Variants in CDR2 observed in about 807,000 individuals in gnomAD.
CDR2 encodes the protein cerebellar degeneration-related protein 2.
CDR2 carries 34 observed loss-of-function variants against 48.4 expected under a neutral mutation model. The ratio of observed to expected loss-of-function variants is 0.70; its 90% CI spans 0.53 to 0.94. CDR2 has a LOEUF of 0.94. Ranked by LOEUF, CDR2 falls within the 40% of genes least tolerant of loss-of-function variation. CDR2 has a pLI of 0.00. For synonymous variants in CDR2, 240 were observed against 219.7 expected, an observed-to-expected ratio of 1.09 and a Z score of -0.82; for missense variants, 498 against 549.5, an observed-to-expected ratio of 0.91 and a Z score of 0.94.
At chr16:22,352,371 CT>C (rs928687518) in intron 2 of CDR2, among the ~76,000 whole-genome samples, 65 of 146,632 alleles carry the variant, frequency 4.4e-4, no homozygotes, top group Middle Eastern at 3.5e-3. Context: ...GCATATATGG[CT>C]TTTTTTTTTT....
chr16:22,371,352 G>A (rs2049074527), intron 1 of CDR2, among the ~76,000 whole-genome samples: 2 of 152,292 alleles, frequency 1.3e-5, no homozygotes, highest in South Asian at 4.1e-4. Flanking sequence ...GGACAGACCT[G>A]CTCCCAAACT....
In CDR2 at chr16:22,349,400, G is replaced by A. The variant is rs144169982; in HGVS notation, c.385C>T (p.Leu129Phe). ...IECLQTNIDH[L>F]QSQVEELKSS... ...TTCAGCTCCTCCACTTGGCTCTGGAGGTGATCAATGTTGGTTTGCAGGCAT... is the reference window on the plus strand; with the variant it reads ...TTCAGCTCCTCCACTTGGCTCTGGAAGTGATCAATGTTGGTTTGCAGGCAT... The change falls in exon 4 of 5, where the codon CTC becomes TTC. Residue 129 changes from leucine (L) to phenylalanine (F), a missense_variant. By Grantham distance (22) the Leu-to-Phe change is conservative (BLOSUM62 0). Coordinates refer to ENST00000268383, the MANE Select transcript of CDR2 (RefSeq NM_001802.2). 11 of 1,614,028 alleles carry A rather than the reference G, an allele frequency of 6.8e-6. No homozygotes were observed. In the African/African-American group the frequency reaches 1.5e-4, roughly 22 times the overall value.
chr16:22,373,839 C>T (rs2049096030), intron 1 of CDR2, among the ~76,000 whole-genome samples: 1 of 152,246 alleles, frequency 6.6e-6, no homozygotes, highest in Non-Finnish European at 1.5e-5. Context: ...CCATGAAAGG[C>T]GCTGGGCTAG....
intron 2 of CDR2, 25 bp downstream of exon 2, chr16:22,364,877 G>A (rs1288514982): frequency 1.0e-5 from 14 of 1,384,512 alleles, no homozygotes; most frequent in Non-Finnish European, 1.4e-5. Flanking sequence ...TGTCAAAAGT[G>A]TAACTCTCCT....
intron 2 of CDR2, among the ~76,000 whole-genome samples, chr16:22,353,100 A>G (rs1181083982): frequency 6.6e-6 from 1 of 152,244 alleles, no homozygotes; most frequent in Non-Finnish European, 1.5e-5. Context: ...AGTATAAATT[A>G]TCAAGTATTC....
chr16:22,358,061 C>T (rs1365457031), intron 2 of CDR2, among the ~76,000 whole-genome samples: 1 of 152,132 alleles, frequency 6.6e-6, no homozygotes, highest in Non-Finnish European at 1.5e-5. Context: ...AACCAGTCAG[C>T]AACTTAAAGA....
chr16:22,352,786 G>A (rs1349789079), intron 2 of CDR2, among the ~76,000 whole-genome samples: 1 of 152,196 alleles, frequency 6.6e-6, no homozygotes, highest in Non-Finnish European at 1.5e-5. Context: ...AATGAGAAAG[G>A]TGAGCACATG....
intron 2 of CDR2, among the ~76,000 whole-genome samples, chr16:22,350,676 T>C (rs1242648992): frequency 1.3e-5 from 2 of 152,214 alleles, no homozygotes; most frequent in Non-Finnish European, 2.9e-5. Flanking sequence ...GTCCTTTATA[T>C]GCTTAGCTCC....
At chr16:22,354,764 C>T (rs1030653260) in intron 2 of CDR2, among the ~76,000 whole-genome samples, 4 of 151,720 alleles carry the variant, frequency 2.6e-5, no homozygotes, top group African/African-American at 7.3e-5. Flanking sequence ...CATGGTGGCA[C>T]ACGCCTGTAG....
Position 22,347,769 on chromosome 16 carries a change from C to T in CDR2, c.561G>A (p.Gln187=). ...FAEKITSLQG[Q]PSPDEEENEH... ...CATTTTCCTCTTCATCAGGGCTTGG[C>T]TGACCTTGCAAGGAAGTGATCTTCT... The change falls in exon 5 of 5, where the codon CAG becomes CAA. Residue 187 remains glutamine (Q), a synonymous_variant. Transcript: ENST00000268383. 1 of 1,613,992 alleles carries T rather than the reference C, an allele frequency of 6.2e-7. No homozygotes were observed. Among genetic ancestry groups the T allele is most frequent in the Non-Finnish European group, 8.5e-7 (1 of 1,180,012 alleles).
intron 1 of CDR2, among the ~76,000 whole-genome samples, chr16:22,373,314 GAAGAA>G (rs2049091074): frequency 6.6e-6 from 1 of 152,218 alleles, no homozygotes; most frequent in Admixed American, 6.5e-5. Context: ...CGTGCAAACT[GAAGAA>G]AAGTGGCAGA....
In CDR2 at chr16:22,374,417, G is replaced by C; in HGVS notation, c.-108C>G. 6 of 534,680 alleles carry C rather than the reference G, an allele frequency of 1.1e-5. No individual in the cohort carries two copies. Among genetic ancestry groups the C allele is most frequent in the Non-Finnish European group, 1.7e-5 (6 of 344,032 alleles). 33.1% of individuals were successfully genotyped at this position (534,680 alleles called of 1,614,324 possible). ...CCCTCAGCCAGAGCCGCCCTCGGGC[G>C]GGACGCGCCGCCGCCCAGACTCCGC... On this transcript the variant is annotated 5_prime_UTR_variant, in exon 1 of 5. Coordinates refer to ENST00000268383, the MANE Select transcript of CDR2 (RefSeq NM_001802.2).
chr16:22,368,861 G>C (rs867941025), intron 1 of CDR2: 2 of 152,180 alleles, frequency 1.3e-5, no homozygotes, highest in Middle Eastern at 3.2e-3. Context: ...TTTATTGCCT[G>C]CTCTGCTAGT....
chr16:22,349,646 T>C, intron 3 of CDR2, 55 bp downstream of exon 3: 1 of 1,583,008 alleles, frequency 6.3e-7, no homozygotes, highest in East Asian at 2.2e-5. Flanking sequence ...TCTATTCTAG[T>C]TTATACTAAA....
At chr16:22,366,926 A>C (rs2049048060) in intron 1 of CDR2, 1 of 152,284 alleles carries the variant, frequency 6.6e-6, no homozygotes, top group African/African-American at 2.4e-5. Context: ...CATGTTTTGA[A>C]AGTAAAGCTA....
chr16:22,365,148 C>A (rs192891620), intron 1 of CDR2, 134 bp from the exon 2 acceptor site: 34 of 602,076 alleles, frequency 5.6e-5, no homozygotes, highest in African/African-American at 4.8e-4. Flanking sequence ...GAAGGAAACC[C>A]GAGTTCTACT....
rs141072275 is a variant in CDR2, at chr16:22,347,094, G to C, written c.1236C>G (p.Pro412=). Residue 412 remains proline (P), a synonymous_variant, in exon 5 of 5, where the codon CCC becomes CCG. Transcript: ENST00000268383. ...GWELASVNPE[P]VSSPTTPPEY... is the part of the protein sequence containing the mutation. ...CTGGAGGTGTTGTAGGGGAACTCAC[G>C]GGCTCTGGGTTGACAGAGGCCAGTT... 6.8e-6 allele frequency: 11 copies of C among 1,614,174 alleles called. No individual in the cohort carries two copies. Among genetic ancestry groups the C allele is most frequent in the Non-Finnish European group, 9.3e-6 (11 of 1,180,016 alleles).
At chr16:22,351,109 AGT>A (rs2048938761) in intron 2 of CDR2, among the ~76,000 whole-genome samples, 1 of 152,080 alleles carries the variant, frequency 6.6e-6, no homozygotes, top group South Asian at 2.1e-4. Flanking sequence ...GAGAACATGC[AGT>A]GTTTGGTTTT....
intron 1 of CDR2, among the ~76,000 whole-genome samples, chr16:22,367,664 A>C (rs1347159780): frequency 1.3e-5 from 2 of 152,240 alleles, no homozygotes; most frequent in African/African-American, 4.8e-5. Context: ...GCTATCCACC[A>C]CTACTCATAG....
Sources: allele counts gnomAD v4.1 joint callset (sites outside exome capture counted in the v4.1 genomes callset), GRCh38; gene constraint gnomAD v4.1.1; transcripts MANE v1.5; gene names NCBI Gene and HGNC (gene_info 2026-07-23, HGNC 2026-07-21).